OPLAH: variants seen among roughly 807,000 people sequenced by gnomAD.
The protein encoded by OPLAH is 5-oxoprolinase, ATP-hydrolysing, also known as 5-oxoprolinase.
In OPLAH, 103 loss-of-function variants were observed where a neutral mutation model predicts 122.8. The ratio of observed to expected loss-of-function variants is 0.84; its 90% confidence interval spans 0.71 to 0.99. The LOEUF (loss-of-function observed/expected upper bound fraction) is 0.99. Among genes scored for constraint, OPLAH ranks in the 50% least tolerant of loss-of-function variants. OPLAH has a pLI of 0.00. For synonymous variants in OPLAH, 875 were observed against 796.0 expected (o/e 1.10, Z -1.67); for missense variants, 1,902 against 1,836.5 (o/e 1.04, Z -0.65).
intron 17 of OPLAH, 39 bp downstream of exon 17, chr8:144,054,989 GA>G: frequency 1.1e-6 from 1 of 877,504 alleles, no homozygotes; most frequent in Non-Finnish European, 1.6e-6. Flanking sequence ...GGTGGAGGGT[GA>G]GGGAGGGGGA....
chr8:144,060,199 G>A (rs569971197), intron 1 of OPLAH, 114 bp from the exon 2 acceptor site: 148 of 772,148 alleles, frequency 1.9e-4, no homozygotes, highest in Middle Eastern at 7.6e-4. Flanking sequence ...ACTCTGGGAA[G>A]AGCCAGAGCC....
chr8:144,061,326 G>C (rs1184842667), upstream of OPLAH, among the ~76,000 whole-genome samples: 1 of 152,090 alleles, frequency 6.6e-6, no homozygotes, highest in Non-Finnish European at 1.5e-5. Context: ...CTCCCAGCCC[G>C]GCCAACACGG....
chr8:144,055,252 G>A lies in OPLAH; in HGVS notation c.2249-63C>T. The A allele has an allele frequency of 2.0e-6, 3 of 1,467,956 alleles. No individual in the cohort carries two copies. Among genetic ancestry groups the A allele is most frequent in the Non-Finnish European group, 1.8e-6 (2 of 1,107,406 alleles). The allele number at this position is 1,467,956 out of a possible 1,614,324, so 90.9% of individuals were successfully genotyped here. On this transcript the variant is annotated intron_variant, in intron 16 of 26. Coordinates refer to ENST00000618853, the MANE Select transcript of OPLAH (RefSeq NM_017570.5). This position sits in a 1 kb window ranked among gnomAD's most constrained non-coding sequence, Gnocchi z 6.5. The stretch of plus-strand genomic sequence containing the variant: ...CACCCACAGCCTGGCCCCAGGAAAG[G>A]GAGGAACAGGACCCACCAGGACTCA...
rs782476715 is a variant in OPLAH at position 144,051,325 on chromosome 8, C to G, written c.*1G>C. On this transcript the variant is annotated 3_prime_UTR_variant, in exon 27 of 27. Coordinates refer to ENST00000618853, the MANE Select transcript of OPLAH (RefSeq NM_017570.5). ...CTTAAGGCATCTTTATTGCGGGATCCTCACACGGCCTCCTGGGCCCGGCGA... is the reference window on the plus strand; with the variant it reads ...CTTAAGGCATCTTTATTGCGGGATCGTCACACGGCCTCCTGGGCCCGGCGA... 1 of 1,611,646 alleles carries G rather than the reference C, an allele frequency of 6.2e-7. No individual in the cohort carries two copies. The highest frequency in any genetic ancestry group is 8.5e-7 in the Non-Finnish European group (1 of 1,179,342).
chr8:144,060,901 G>C (rs1166949963), upstream of OPLAH, among the ~76,000 whole-genome samples: 3 of 152,380 alleles, frequency 2.0e-5, no homozygotes, highest in African/African-American at 7.2e-5. Flanking sequence ...TCCGGCGCCG[G>C]GCCTGGGCTC....
chr8:144,052,720 G>T (rs1554757983), intron 22 of OPLAH, 46 bp downstream of exon 22: 2 of 1,552,092 alleles, frequency 1.3e-6, no homozygotes, highest in East Asian at 2.4e-5. Context: ...CGCACTCAGG[G>T]TGACCTCGGG....
intron 26 of OPLAH, 82 bp downstream of exon 26, chr8:144,051,647 G>T: frequency 7.7e-7 from 1 of 1,292,122 alleles, no homozygotes; most frequent in Non-Finnish European, 1.1e-6. Context: ...CCTCTGGTCA[G>T]GTCTGCAACT....
rs782293111 is a variant in OPLAH at position 144,057,119 on chromosome 8, C to T, written c.1536-1G>A. The stretch of plus-strand genomic sequence containing the variant: ...CAGGGCCGACAGCAGCCCACTGTGC[C>T]TGCAGGGATGGGCAGCATGGCAATG... On this transcript the variant is annotated splice_acceptor_variant, in intron 11 of 26. Transcript: ENST00000618853. LOFTEE classifies it high-confidence loss of function. 17 of 1,597,064 alleles carry T rather than the reference C, an allele frequency of 1.1e-5. No homozygotes were observed. The highest frequency in any genetic ancestry group is 1.4e-5 in the Non-Finnish European group (16 of 1,172,766).
At position 144,052,600 on chromosome 8, in the gene OPLAH, T is replaced by C; in HGVS notation, c.3154-2A>G. 1 of 1,591,422 alleles carries C rather than the reference T, an allele frequency of 6.3e-7. No homozygotes were observed. Among genetic ancestry groups the C allele is most frequent in the Non-Finnish European group, 8.5e-7 (1 of 1,174,306 alleles). On this transcript the variant is annotated splice_acceptor_variant, in intron 22 of 26. Transcript: ENST00000618853. LOFTEE classifies it high-confidence loss of function. Reference sequence around the variant, plus strand: ...CACGCGCACTGGCGCCAGGCAGCCCTGTGCGGGGCGGGCGGCTCTCAGGAG... The same window carrying C: ...CACGCGCACTGGCGCCAGGCAGCCCCGTGCGGGGCGGGCGGCTCTCAGGAG...
At position 144,052,919 on chromosome 8, in the gene OPLAH, G is replaced by A; in HGVS notation, c.3019-19C>T. On this transcript the variant is annotated intron_variant, in intron 21 of 26. Coordinates refer to ENST00000618853, the MANE Select transcript of OPLAH (RefSeq NM_017570.5). ...CGCTGCCCTGCGCGCCCCGAGGGAAGGGAGAGGCTGTCAGCGGCCGCACCG... is the reference window on the plus strand; with the variant it reads ...CGCTGCCCTGCGCGCCCCGAGGGAAAGGAGAGGCTGTCAGCGGCCGCACCG... 6.4e-7 allele frequency: 1 copy of A among 1,563,120 alleles called. No individual in the cohort carries two copies.
intron 17 of OPLAH, 39 bp downstream of exon 17, chr8:144,054,990 A>C (rs1329069391): frequency 3.6e-5 from 12 of 331,204 alleles, no homozygotes; most frequent in Non-Finnish European, 4.8e-5. Context: ...GTGGAGGGTG[A>C]GGGAGGGGGA....
rs1835482856 is a variant in OPLAH, at chr8:144,055,194, G to A, written c.2249-5C>T. 6.6e-7 allele frequency: 1 copy of A among 1,515,028 alleles called. No individual in the cohort carries two copies. Among genetic ancestry groups the A allele is most frequent in the Admixed American group, 2.2e-5 (1 of 44,694 alleles). 93.8% of individuals were successfully genotyped at this position (1,515,028 alleles called of 1,614,324 possible). A position where few individuals can be genotyped will look rare whatever the true frequency, so the allele number is the denominator to read the frequency against. ...GCAGGATGCGGCCCATCTGCTCTAG[G>A]AGCACAAAGTGACCAGGCCCGCTGG... On this transcript the variant is annotated splice_polypyrimidine_tract_variant and splice_region_variant and intron_variant, in intron 16 of 26. Coordinates refer to ENST00000618853, the MANE Select transcript of OPLAH (RefSeq NM_017570.5). This position sits in a 1 kb window ranked among gnomAD's most constrained non-coding sequence, Gnocchi z 6.5.
upstream of OPLAH, among the ~76,000 whole-genome samples, chr8:144,063,482 G>A (rs1835695622): frequency 6.6e-6 from 1 of 152,224 alleles, no homozygotes; most frequent in South Asian, 2.1e-4. This position sits in a 1 kb window ranked among gnomAD's most constrained non-coding sequence, Gnocchi z 4.2. Context: ...CTCAGGGCCT[G>A]GCACAGGCTG....
rs374180396 is a variant in OPLAH, at chr8:144,058,553, C to T, written c.726G>A (p.Thr242=). The change falls in exon 6 of 27, where the codon ACG becomes ACA. Residue 242 remains threonine (T), a synonymous_variant. Coordinates refer to ENST00000618853, the MANE Select transcript of OPLAH (RefSeq NM_017570.5). The stretch of plus-strand genomic sequence containing the variant: ...CCTGCACGTAGCGCTGGATGGCGGG[C>T]GTGAGGTAGGCGTCGGCACAGGCCG... The part of the protein sequence containing the change: ...GHTACADAYL[T]PAIQRYVQGF... The T allele has an allele frequency of 5.6e-6, 9 of 1,599,878 alleles. No homozygotes were observed. Among genetic ancestry groups the T allele is most frequent in the African/African-American group, 2.7e-5 (2 of 74,890 alleles).
chr8:144,060,038 T>C lies in OPLAH; in HGVS notation c.-6A>G, dbSNP rs782417799. On this transcript the variant is annotated 5_prime_UTR_variant, in exon 2 of 27. Transcript: ENST00000618853. ...CGGCCCTCGGGGCTGCCCATGGTGG[T>C]GGGGCTGGAGTCCCACAGGAGCTCT... The C allele has an allele frequency of 6.2e-7, 1 of 1,610,416 alleles. No individual in the cohort carries two copies. Among genetic ancestry groups the C allele is most frequent in the African/African-American group, 1.3e-5 (1 of 74,964 alleles).
Position 144,052,018 on chromosome 8 carries a change from A to G in OPLAH, c.3520T>C (p.Phe1174Leu). Residue 1174 changes from phenylalanine (F) to leucine (L), a missense_variant, in exon 25 of 27, where the codon TTC becomes CTC. Transcript: ENST00000618853. ...LRRGSGGRGRFRGGDGVTREL... is the reference protein window; with the variant it reads ...LRRGSGGRGRLRGGDGVTREL... ...CGGGTGACGCCGTCGCCGCCTCGGAAGCGGCCTCTGCCCCCCGAGCCCCGC... is the reference window on the plus strand; with the variant it reads ...CGGGTGACGCCGTCGCCGCCTCGGAGGCGGCCTCTGCCCCCCGAGCCCCGC... 6.3e-7 allele frequency: 1 copy of G among 1,589,850 alleles called. No individual in the cohort carries two copies. The highest frequency in any genetic ancestry group is 8.5e-7 in the Non-Finnish European group (1 of 1,176,342).
chr8:144,052,571 T>C lies in OPLAH; in HGVS notation c.3181A>G (p.Ile1061Val). 1.3e-6 allele frequency: 2 copies of C among 1,596,962 alleles called. No homozygotes were observed. The highest frequency in any genetic ancestry group is 1.7e-6 in the Non-Finnish European group (2 of 1,177,776). Residue 1061 changes from isoleucine (I) to valine (V), a missense_variant, in exon 23 of 27, where the codon ATT becomes GTT. By Grantham distance (29) the Ile-to-Val change is conservative (BLOSUM62 3). Around this residue, in one of 3 missense-constraint regions of OPLAH, gnomAD observed 1,726 missense variants for 1,642.1 expected, o/e 1.05. Transcript: ENST00000618853. Reference protein sequence around the residue: ...QGCLAPVRVVIPRGSILDPSP... With the variant: ...QGCLAPVRVVVPRGSILDPSP... ...GGGTCCAGGATGGAGCCTCGGGGAA[T>C]GACCACGCGCACTGGCGCCAGGCAG...
upstream of OPLAH, chr8:144,063,960 G>T (rs1413237783): frequency 6.6e-6 from 1 of 152,362 alleles, no homozygotes; most frequent in African/African-American, 2.4e-5. This position sits in a 1 kb window ranked among gnomAD's most constrained non-coding sequence, Gnocchi z 4.2. Context: ...GCGGCAGCTG[G>T]CGGGGGCCAG....
intron 3 of OPLAH, 149 bp downstream of exon 3, chr8:144,059,450 G>T: frequency 1.2e-6 from 1 of 848,718 alleles, no homozygotes; most frequent in Non-Finnish European, 1.8e-6. Context: ...AGGAGAACTT[G>T]GGGTCCCACT....
Sources: gnomAD v4.1 joint callset for allele counts (sites outside exome capture counted in the v4.1 genomes callset) on GRCh38, gnomAD v4.1.1 for gene constraint, gnomAD v4.1.1 regional missense constraint, Gnocchi (gnomAD v3.1) non-coding constraint, MANE v1.5 for transcripts, NCBI Gene and HGNC (gene_info 2026-07-23, HGNC 2026-07-21) for gene names.